The following GALNT17 variants were observed in gnomAD, a reference collection of about 807,000 sequenced individuals.
The protein encoded by GALNT17 is UDP-GalNAc:polypeptide N-acetylgalactosaminyltransferase-like 3.
A neutral mutation model predicts 63.7 loss-of-function variants in GALNT17; 29 were observed. That is an observed-to-expected ratio of 0.46 (90% CI 0.34 to 0.62). The LOEUF (loss-of-function observed/expected upper bound fraction) is 0.62, where lower values mean the gene tolerates loss of function less well. GALNT17 is among the 20% of genes least tolerant of loss of function. The pLI is 0.01. For synonymous variants in GALNT17, 305 were observed against 318.3 expected (o/e 0.96, Z 0.45); for missense variants, 603 against 799.6 (o/e 0.75, Z 2.97).
At chr7:71,212,622 G>A (rs752274368) in intron 1 of GALNT17, among the ~76,000 whole-genome samples, 16 of 152,208 alleles carry the variant, frequency 1.1e-4, no homozygotes, top group African/African-American at 3.4e-4. Flanking sequence ...CAGCCAGGAG[G>A]GGGGGCTATA....
At chr7:71,459,762 A>G (rs769609684) in intron 5 of GALNT17, among the ~76,000 whole-genome samples, 7 of 152,206 alleles carry the variant, frequency 4.6e-5, no homozygotes, top group Non-Finnish European at 8.8e-5. Context: ...GGCCCTCCCT[A>G]TCCTGAAGAG....
At chr7:71,564,873 T>G (rs901965413) in intron 5 of GALNT17, among the ~76,000 whole-genome samples, 28 of 152,152 alleles carry the variant, frequency 1.8e-4, no homozygotes, top group African/African-American at 6.3e-4. Context: ...CAGAGCTGTT[T>G]CCAGCACAGA....
At chr7:71,207,439 T>A (rs1789293552) in intron 1 of GALNT17, among the ~76,000 whole-genome samples, 2 of 152,234 alleles carry the variant, frequency 1.3e-5, no homozygotes. Context: ...ATAATTTAGT[T>A]TAGCTTTGTC....
At chr7:71,405,632 A>C (rs1350830917) in intron 3 of GALNT17, among the ~76,000 whole-genome samples, 1 of 152,224 alleles carries the variant, frequency 6.6e-6, no homozygotes, top group African/African-American at 2.4e-5. Context: ...CTCACAATTC[A>C]GGGGGCTGGG....
chr7:71,529,784 C>A (rs753340848), intron 5 of GALNT17, among the ~76,000 whole-genome samples: 1 of 152,200 alleles, frequency 6.6e-6, no homozygotes, highest in Non-Finnish European at 1.5e-5. Flanking sequence ...TGTACTGTTA[C>A]TGCACAACTA....
At chr7:71,182,789 C>T (rs1229950438) in intron 1 of GALNT17, among the ~76,000 whole-genome samples, 1 of 152,104 alleles carries the variant, frequency 6.6e-6, no homozygotes, top group Non-Finnish European at 1.5e-5. Context: ...ACGTTATGCT[C>T]ATTTGCTAAC....
At chr7:71,545,702 T>G (rs1350594512) in intron 5 of GALNT17, among the ~76,000 whole-genome samples, 1 of 152,180 alleles carries the variant, frequency 6.6e-6, no homozygotes, top group African/African-American at 2.4e-5. Context: ...TGTCTAATGG[T>G]TCTATTATGT....
chr7:71,434,462 C>G (rs1040506321), intron 5 of GALNT17, among the ~76,000 whole-genome samples: 1 of 152,132 alleles, frequency 6.6e-6, no homozygotes, highest in East Asian at 1.9e-4. Context: ...CTTGGTCTAG[C>G]AAAGGAGAGT....
At chr7:71,317,393 C>T (rs918167884) in intron 1 of GALNT17, among the ~76,000 whole-genome samples, 2 of 152,136 alleles carry the variant, frequency 1.3e-5, no homozygotes, top group East Asian at 1.9e-4. Flanking sequence ...ATGTTGCAGA[C>T]GTTGATTCTA....
intron 5 of GALNT17, among the ~76,000 whole-genome samples, chr7:71,512,670 C>T (rs973646748): frequency 1.3e-5 from 2 of 152,214 alleles, no homozygotes; most frequent in African/African-American, 4.8e-5. Context: ...TGGTCCACCC[C>T]CTGGGAAGTG....
intron 1 of GALNT17, among the ~76,000 whole-genome samples, chr7:71,238,559 G>A (rs545667668): frequency 6.6e-6 from 1 of 152,240 alleles, no homozygotes; most frequent in Admixed American, 6.5e-5. Flanking sequence ...TATAAATGAT[G>A]GGCTAAATAT....
intron 5 of GALNT17, among the ~76,000 whole-genome samples, chr7:71,546,869 C>T (rs1788993517): frequency 6.6e-6 from 1 of 152,174 alleles, no homozygotes; most frequent in Non-Finnish European, 1.5e-5. Context: ...GGCCATTAGC[C>T]TCCTCTCAGA....
intron 1 of GALNT17, among the ~76,000 whole-genome samples, chr7:71,287,487 G>A (rs538621758): frequency 1.3e-5 from 2 of 152,128 alleles, no homozygotes; most frequent in South Asian, 4.2e-4. Flanking sequence ...ATAGGAGTAA[G>A]AGGTGCCTTC....
chr7:71,707,867 C>T (rs2117125941), intron 9 of GALNT17, among the ~76,000 whole-genome samples: 1 of 152,314 alleles, frequency 6.6e-6, no homozygotes, highest in Middle Eastern at 3.4e-3. Context: ...TTGGCCAAAG[C>T]AAGTCACAGG....
At chr7:71,708,627 T>C (rs1791751945) in intron 9 of GALNT17, among the ~76,000 whole-genome samples, 2 of 152,226 alleles carry the variant, frequency 1.3e-5, no homozygotes, top group African/African-American at 4.8e-5. Flanking sequence ...TGCATGATGC[T>C]GAGGTTTGGG....
rs557220019 is a variant in GALNT17 at position 71,458,853 on chromosome 7, C to T, written c.962+37748C>T. On this transcript the variant is annotated intron_variant, in intron 5 of 10. Transcript: ENST00000333538. ...CAGCGGGTCTTCTGTTCGTCTGCTCCGGGAGCTGGGGGTTCGGGGTTTATA... is the reference window on the plus strand; with the variant it reads ...CAGCGGGTCTTCTGTTCGTCTGCTCTGGGAGCTGGGGGTTCGGGGTTTATA... 7.2e-5 allele frequency among the ~76,000 whole-genome samples: 11 copies of T among 152,042 alleles called. No individual in the cohort carries two copies. The East Asian group carries it at 1.6e-3, about 21-fold the overall frequency.
At chr7:71,475,521 C>T (rs1401550582) in intron 5 of GALNT17, among the ~76,000 whole-genome samples, 6 of 152,152 alleles carry the variant, frequency 3.9e-5, no homozygotes, top group East Asian at 1.9e-4. Context: ...GATCTGACAG[C>T]AGGTGGAGCT....
chr7:71,385,562 T>A (rs949168800), intron 2 of GALNT17, among the ~76,000 whole-genome samples: 2 of 152,166 alleles, frequency 1.3e-5, no homozygotes, highest in Admixed American at 6.5e-5. Flanking sequence ...CTCTCCCACA[T>A]GAGCTTTATG....
chr7:71,706,459 A>G (rs1791723487), intron 9 of GALNT17, among the ~76,000 whole-genome samples: 1 of 152,232 alleles, frequency 6.6e-6, no homozygotes, highest in South Asian at 2.1e-4. Context: ...AGTGCTGCTC[A>G]TCTGCCTGCT....
Sources: gnomAD v4.1 joint callset for allele counts (sites outside exome capture counted in the v4.1 genomes callset) on GRCh38, gnomAD v4.1.1 for gene constraint, MANE v1.5 for transcripts, NCBI Gene and HGNC (gene_info 2026-07-23, HGNC 2026-07-21) for gene names.